The following GPHN variants were observed in gnomAD, a reference collection of about 807,000 sequenced individuals.
GPHN encodes the protein gephyrin.
In GPHN, 17 loss-of-function variants were observed where a neutral mutation model predicts 95.5. That is an observed-to-expected ratio of 0.18 (90% confidence interval 0.12 to 0.27). The LOEUF (loss-of-function observed/expected upper bound fraction) is 0.27, where lower values mean the gene tolerates loss of function less well. Ranked by LOEUF, GPHN falls within the 10% of genes least tolerant of loss-of-function variation. GPHN has a pLI of 1.00. For missense variants in GPHN, 660 were observed against 978.1 expected (o/e 0.67, Z 4.34); for synonymous variants, 320 against 322.5 (o/e 0.99, Z 0.08).
intron 11 of GPHN, among the ~76,000 whole-genome samples, chr14:67,076,722 G>A (rs1028298508): frequency 1.3e-5 from 2 of 152,072 alleles, no homozygotes; most frequent in African/African-American, 2.4e-5. Context: ...CGTTACAATG[G>A]GCATGAGTAA....
the GPHN span, among the ~76,000 whole-genome samples, chr14:67,511,537 G>A: frequency 6.6e-6 from 1 of 152,178 alleles, no homozygotes; most frequent in Non-Finnish European, 1.5e-5. Context: ...CTACTGGGAA[G>A]CCAGCAGAGT....
chr14:67,353,473 A>C, the GPHN span, among the ~76,000 whole-genome samples: 1 of 151,172 alleles, frequency 6.6e-6, no homozygotes, highest in Non-Finnish European at 1.5e-5. Context: ...TAGTAGCAAG[A>C]CTCCTTTTGT....
chr14:67,221,643 T>C, the GPHN span: 1 of 1,325,174 alleles, frequency 7.5e-7, no homozygotes, highest in Non-Finnish European at 1.0e-6. Context: ...AGCAATGGCC[T>C]AGGTTTGCTA....
At chr14:67,659,806 G>A in the GPHN span, 1 of 1,614,112 alleles carries the variant, frequency 6.2e-7, no homozygotes, top group Non-Finnish European at 8.5e-7. Flanking sequence ...TCAAAGGTGT[G>A]CTTCTCACCT....
intron 1 of GPHN, among the ~76,000 whole-genome samples, chr14:66,562,522 T>A (rs1410533074): frequency 1.3e-5 from 2 of 152,116 alleles, no homozygotes; most frequent in African/African-American, 4.8e-5. Flanking sequence ...TTTATTAACA[T>A]GTGGATTGCT....
the GPHN span, among the ~76,000 whole-genome samples, chr14:67,710,341 CT>C: frequency 6.6e-6 from 1 of 152,080 alleles, no homozygotes; most frequent in African/African-American, 2.4e-5. Flanking sequence ...AAGTTTTAAT[CT>C]TTTTTTCCTA....
At chr14:66,983,760 G>C (rs1388790919) in intron 9 of GPHN, among the ~76,000 whole-genome samples, 1 of 152,034 alleles carries the variant, frequency 6.6e-6, no homozygotes, top group Non-Finnish European at 1.5e-5. Context: ...TTCTATACTT[G>C]CATTTGGAAC....
chr14:67,169,314 C>G (rs1436535035), intron 21 of GPHN, among the ~76,000 whole-genome samples: 1 of 152,122 alleles, frequency 6.6e-6, no homozygotes, highest in Non-Finnish European at 1.5e-5. Context: ...AAGGACAAAA[C>G]AGTCAATAGG....
At chr14:66,728,784 T>C (rs1040629906) in intron 2 of GPHN, among the ~76,000 whole-genome samples, 1 of 152,160 alleles carries the variant, frequency 6.6e-6, no homozygotes, top group African/African-American at 2.4e-5. Context: ...GGCTGTGAAC[T>C]TTTGAGTTAA....
the GPHN span, chr14:67,202,982 C>A: frequency 8.9e-7 from 1 of 1,128,700 alleles, no homozygotes; most frequent in East Asian, 2.5e-5. Context: ...ACAAATATAT[C>A]ATGGTTCATT....
chr14:67,631,956 C>T, the GPHN span, among the ~76,000 whole-genome samples: 1 of 152,180 alleles, frequency 6.6e-6, no homozygotes, highest in African/African-American at 2.4e-5. Flanking sequence ...CTCACTACAA[C>T]CTCTACCTCA....
At chr14:67,302,492 T>A in the GPHN span, 1 of 1,598,464 alleles carries the variant, frequency 6.3e-7, no homozygotes, top group Non-Finnish European at 8.5e-7. Context: ...AGTGGTCTGT[T>A]GCATGAAGGA....
chr14:67,637,207 C>G, the GPHN span, among the ~76,000 whole-genome samples: 1 of 151,698 alleles, frequency 6.6e-6, no homozygotes, highest in South Asian at 2.1e-4. Flanking sequence ...GTCAGGAGTT[C>G]GAGACCAGCC....
At chr14:67,685,081 C>G in the GPHN span, 1 of 1,614,074 alleles carries the variant, frequency 6.2e-7, no homozygotes. Context: ...GGTCTGGGCT[C>G]CCTGCTGAGG....
At chr14:67,278,534 A>G in the GPHN span, among the ~76,000 whole-genome samples, 1 of 152,298 alleles carries the variant, frequency 6.6e-6, no homozygotes, top group Non-Finnish European at 1.5e-5. Flanking sequence ...AGTGAGGTAC[A>G]AACAAGGCTG....
At chr14:66,658,220 G>A (rs140085015) in intron 1 of GPHN, among the ~76,000 whole-genome samples, 1 of 152,076 alleles carries the variant, frequency 6.6e-6, no homozygotes. Context: ...CTGAATTTCT[G>A]CAATCTCATG....
chr14:66,734,224 G>A (rs142862577), intron 2 of GPHN, among the ~76,000 whole-genome samples: 21 of 152,164 alleles, frequency 1.4e-4, no homozygotes, highest in African/African-American at 5.1e-4. Context: ...TCAGAATGAA[G>A]TCCAGTTTAT....
chr14:66,792,300 C>G (rs2059998274), intron 3 of GPHN, among the ~76,000 whole-genome samples: 2 of 151,890 alleles, frequency 1.3e-5, no homozygotes, highest in African/African-American at 4.8e-5. Flanking sequence ...ACCAGGAGTT[C>G]AAGACCAGCC....
chr14:66,701,282 G>A (rs568523437), intron 2 of GPHN, among the ~76,000 whole-genome samples: 1 of 152,000 alleles, frequency 6.6e-6, no homozygotes, highest in South Asian at 2.1e-4. Context: ...TCTCAAATAT[G>A]TTTCATATCT....
Sources: gnomAD v4.1 joint callset for allele counts (sites outside exome capture counted in the v4.1 genomes callset) on GRCh38, gnomAD v4.1.1 for gene constraint, MANE v1.5 for transcripts, NCBI Gene and HGNC (gene_info 2026-07-23, HGNC 2026-07-21) for gene names.